The following LIFR variants were observed in gnomAD, a reference collection of about 807,000 sequenced individuals.
LIFR encodes the protein leukemia inhibitory factor receptor.
In LIFR, 84 loss-of-function variants were observed where a neutral mutation model predicts 122.2. That is an observed-to-expected ratio of 0.69 (90% CI 0.58 to 0.82). The LOEUF (loss-of-function observed/expected upper bound fraction) is 0.82, where lower values mean the gene tolerates loss of function less well. LIFR is among the 40% of genes least tolerant of loss of function. The pLI is 0.00. For synonymous variants in LIFR, 422 were observed against 434.7 expected, an observed-to-expected ratio of 0.97 and a Z score of 0.36; for missense variants, 1,294 against 1,311.6, an observed-to-expected ratio of 0.99 and a Z score of 0.21.
Position 38,532,518 on chromosome 5 carries a change from G to C in LIFR, c.-19-1852C>G, listed in dbSNP as rs375095259. On this transcript the variant is annotated intron_variant, in intron 1 of 19. Transcript: ENST00000453190. ...CAAAGCCTATGCCAGCAACAGCCAC[G>C]GATCAAAGACTCTGCTGAGGAGGTC... is the stretch of plus-strand genomic sequence containing the variant. Among the ~76,000 whole-genome samples the C allele has an allele frequency of 5.3e-5, 8 of 152,272 alleles. No homozygotes were observed. The East Asian group carries it at 1.5e-3, about 29-fold the overall frequency.
At chr5:38,597,438 C>T (rs1421450880), upstream of LIFR, among the ~76,000 whole-genome samples, 4 of 152,156 alleles carry the variant, frequency 2.6e-5, no homozygotes. Context: ...GGTGCCATCT[C>T]TCTGGGGAGG....
chr5:38,545,352 GTGTGTGTGTGTGTA>G (rs1194408741), intron 1 of LIFR, among the ~76,000 whole-genome samples: 3 of 144,038 alleles, frequency 2.1e-5, no homozygotes, highest in Admixed American at 1.4e-4. Context: ...ATAAATATAT[GTGTGTGTGTGTGTA>G]TGTGTGTGTG....
At chr5:38,544,785 G>A (rs1175084144) in intron 1 of LIFR, among the ~76,000 whole-genome samples, 1 of 152,170 alleles carries the variant, frequency 6.6e-6, no homozygotes, top group African/African-American at 2.4e-5. Context: ...GCATAGGTGG[G>A]GAGGAAGAGA....
At chr5:38,483,531 C>T (rs1744112092) in intron 18 of LIFR, among the ~76,000 whole-genome samples, 1 of 152,026 alleles carries the variant, frequency 6.6e-6, no homozygotes, top group South Asian at 2.1e-4. Context: ...AAGTGATTCT[C>T]CTGCCTCAGC....
At chr5:38,494,091 C>T (rs939030053) in intron 13 of LIFR, among the ~76,000 whole-genome samples, 12 of 152,198 alleles carry the variant, frequency 7.9e-5, no homozygotes, top group African/African-American at 1.7e-4. Flanking sequence ...ACAGGAAGGA[C>T]GCAGCTAAGG....
intron 5 of LIFR, among the ~76,000 whole-genome samples, chr5:38,517,435 T>C (rs1242038935): frequency 6.6e-6 from 1 of 152,104 alleles, no homozygotes; most frequent in African/African-American, 2.4e-5. Context: ...AGTTAAGCAA[T>C]ATAATTTAAA....
intron 1 of LIFR, chr5:38,608,078 T>G (rs1211734856): frequency 1.3e-5 from 2 of 152,152 alleles, no homozygotes; most frequent in African/African-American, 4.8e-5. Flanking sequence ...TAAGCATCAT[T>G]GCTCATATCC....
At chr5:38,527,062 T>C in intron 4 of LIFR, 93 bp downstream of exon 4, 1 of 1,143,554 alleles carries the variant, frequency 8.7e-7, no homozygotes, top group Non-Finnish European at 1.2e-6. Flanking sequence ...AGTAATAGCA[T>C]AACACATGAA....
chr5:38,588,828 A>G (rs776820049), intron 1 of LIFR, among the ~76,000 whole-genome samples: 1 of 152,062 alleles, frequency 6.6e-6, no homozygotes, highest in Non-Finnish European at 1.5e-5. Context: ...AACTGGAATT[A>G]CTCTAGAAAG....
At chr5:38,483,170 C>G (rs921495828) in intron 18 of LIFR, among the ~76,000 whole-genome samples, 1 of 150,690 alleles carries the variant, frequency 6.6e-6, no homozygotes, top group African/African-American at 2.5e-5. Context: ...CCACGTGTCA[C>G]GAGTACACTG....
chr5:38,527,176 T>A lies in LIFR; in HGVS notation c.376A>T (p.Thr126Ser). The change falls in exon 4 of 20, where the codon ACA (threonine) becomes TCA (serine). Residue 126 changes from threonine to serine, a missense_variant. Thr to Ser is a moderately conservative substitution (Grantham distance 58, BLOSUM62 1). Coordinates refer to ENST00000453190, the MANE Select transcript of LIFR (RefSeq NM_001127671.2). Reference sequence around the variant, plus strand: ...TTACAAACGTTTTGTTCATTTAGTGTGAATTTACTTGTAGAACTTCCAAAA... The same window carrying A: ...TTACAAACGTTTTGTTCATTTAGTGAGAATTTACTTGTAGAACTTCCAAAA... ...HDFGSSTSKFTLNEQNVSLIP... is the reference protein window; with the variant it reads ...HDFGSSTSKFSLNEQNVSLIP... 6.3e-7 allele frequency: 1 copy of A among 1,592,960 alleles called. No homozygotes were observed. The highest frequency in any genetic ancestry group is 1.7e-4 in the Middle Eastern group (1 of 6,004).
chr5:38,505,595 CTTA>C (rs1745429875), intron 9 of LIFR, among the ~76,000 whole-genome samples: 1 of 152,070 alleles, frequency 6.6e-6, no homozygotes, highest in Non-Finnish European at 1.5e-5. Flanking sequence ...TCACAAGGCT[CTTA>C]TTATTGTAAC....
Position 38,503,959 on chromosome 5 carries a change from C to T in LIFR, c.1437+17G>A. 2 of 1,514,958 alleles carry T rather than the reference C, an allele frequency of 1.3e-6. No individual in the cohort carries two copies. Among genetic ancestry groups the T allele is most frequent in the South Asian group, 1.1e-5 (1 of 88,166 alleles). The allele number at this position is 1,514,958 out of a possible 1,614,324, so 93.8% of individuals were successfully genotyped here. A position where few individuals can be genotyped will look rare whatever the true frequency, so the allele number is the denominator to read the frequency against. On this transcript the variant is annotated intron_variant, in intron 10 of 19. Coordinates refer to ENST00000453190, the MANE Select transcript of LIFR (RefSeq NM_001127671.2). ...TATCCAAAATAATCACAAAGGAAGTCTTTAAGAGAATCTTACCTGCTCTTG... is the reference window on the plus strand; with the variant it reads ...TATCCAAAATAATCACAAAGGAAGTTTTTAAGAGAATCTTACCTGCTCTTG...
chr5:38,524,121 G>A (rs901006289), intron 4 of LIFR, among the ~76,000 whole-genome samples: 1 of 152,146 alleles, frequency 6.6e-6, no homozygotes, highest in African/African-American at 2.4e-5. Context: ...ACAAAATATA[G>A]AAAGCTTCCT....
At chr5:38,563,398 T>C (rs1188163682) in intron 1 of LIFR, among the ~76,000 whole-genome samples, 1 of 152,178 alleles carries the variant, frequency 6.6e-6, no homozygotes, top group Non-Finnish European at 1.5e-5. Flanking sequence ...GGTTGGGAGA[T>C]TAATATTAAT....
chr5:38,590,817 G>C (rs888123904), intron 1 of LIFR, among the ~76,000 whole-genome samples: 2 of 152,202 alleles, frequency 1.3e-5, no homozygotes, highest in African/African-American at 4.8e-5. Flanking sequence ...CAAGCACACA[G>C]CATTCAAACC....
rs1474967602 is a variant in LIFR at position 38,514,905 on chromosome 5, G to A, written c.562-2941C>T. 4.6e-5 allele frequency among the ~76,000 whole-genome samples: 7 copies of A among 152,242 alleles called. No individual in the cohort carries two copies. The East Asian group carries it at 7.7e-4, about 17-fold the overall frequency. On this transcript the variant is annotated intron_variant, in intron 5 of 19. Transcript: ENST00000453190. ...CCGTAGGTTGTATGCTAACGCTACCGAGCATCTTTGAATTCTGGTATCTAA... is the reference window on the plus strand; with the variant it reads ...CCGTAGGTTGTATGCTAACGCTACCAAGCATCTTTGAATTCTGGTATCTAA...
chr5:38,525,762 G>A (rs1746645746), intron 4 of LIFR, among the ~76,000 whole-genome samples: 1 of 152,172 alleles, frequency 6.6e-6, no homozygotes, highest in Non-Finnish European at 1.5e-5. Flanking sequence ...AAAGCTCAGG[G>A]TGCCAGTGTG....
At chr5:38,505,810 T>C (rs947285164) in intron 9 of LIFR, 95 bp downstream of exon 9, 1 of 609,816 alleles carries the variant, frequency 1.6e-6, no homozygotes, top group African/African-American at 1.9e-5. Context: ...ATAAAGAAAA[T>C]AATCAGCAAA....
Sources: allele counts gnomAD v4.1 joint callset (sites outside exome capture counted in the v4.1 genomes callset), GRCh38; gene constraint gnomAD v4.1.1; transcripts MANE v1.5; gene names NCBI Gene and HGNC (gene_info 2026-07-23, HGNC 2026-07-21).